PPP6R3: variants seen among roughly 807,000 people sequenced by gnomAD.
PPP6R3 encodes the protein serine/threonine-protein phosphatase 6 regulatory subunit 3.
In PPP6R3, 38 loss-of-function variants were observed where a neutral mutation model predicts 110.7. The observed-to-expected ratio is 0.34, with a 90% CI of 0.26 to 0.45. The LOEUF (loss-of-function observed/expected upper bound fraction) is 0.45, where lower values mean the gene tolerates loss of function less well. Among genes scored for constraint, PPP6R3 ranks in the 20% least tolerant of loss-of-function variants. The probability of loss-of-function intolerance (pLI) is 1.00; values close to 1 mark genes in which losing one functional copy is unlikely to be tolerated. For missense variants in PPP6R3, 870 were observed against 1,062.4 expected (o/e 0.82, Z 2.52); for synonymous variants, 369 against 373.5 (o/e 0.99, Z 0.14).
intron 22 of PPP6R3, among the ~76,000 whole-genome samples, chr11:68,607,723 C>A (rs1331924404): frequency 2.0e-5 from 3 of 152,000 alleles, no homozygotes; most frequent in Admixed American, 2.0e-4. Context: ...ATCTATCTAT[C>A]TATCTGTCTG....
intron 5 of PPP6R3, 55 bp from the exon 6 acceptor site, chr11:68,551,066 G>T: frequency 1.7e-6 from 2 of 1,203,584 alleles, no homozygotes; most frequent in South Asian, 1.3e-5. Context: ...ATCTACATTG[G>T]GGCTTGAACA....
intron 15 of PPP6R3, chr11:68,586,849 A>C (rs1010215103): frequency 6.6e-6 from 1 of 152,220 alleles, no homozygotes; most frequent in African/African-American, 2.4e-5. Context: ...CTCTGCCCAT[A>C]TGTGGAACCA....
intron 1 of PPP6R3, among the ~76,000 whole-genome samples, chr11:68,469,216 A>G (rs1338817200): frequency 1.3e-5 from 2 of 152,358 alleles, no homozygotes; most frequent in Non-Finnish European, 1.5e-5. Flanking sequence ...GTCTTCCAAT[A>G]GGACTTTACT....
Position 68,571,036 on chromosome 11 carries a change from TCA to T in PPP6R3, c.1279-3_1279-2del. ...AACTGGAATATTCTTTTTTTTTTTT[TCA>T]GCTTTTCCAAAAATGTCAATTAATA... On this transcript the variant is annotated splice_acceptor_variant and splice_polypyrimidine_tract_variant and intron_variant, in intron 11 of 23. Coordinates refer to ENST00000393800, the MANE Select transcript of PPP6R3 (RefSeq NM_001164161.2). LOFTEE classifies it high-confidence loss of function. 1 of 1,592,578 alleles carries T rather than the reference TCA, an allele frequency of 6.3e-7. No individual in the cohort carries two copies. Among genetic ancestry groups the T allele is most frequent in the East Asian group, 2.2e-5 (1 of 44,610 alleles).
At chr11:68,486,433 A>G (rs2098947717) in intron 1 of PPP6R3, among the ~76,000 whole-genome samples, 1 of 151,960 alleles carries the variant, frequency 6.6e-6, no homozygotes. Flanking sequence ...GTGAAACCCC[A>G]TCTCTCTTAA....
intron 1 of PPP6R3, among the ~76,000 whole-genome samples, chr11:68,486,422 G>A (rs1301978844): frequency 2.6e-5 from 4 of 151,858 alleles, no homozygotes; most frequent in African/African-American, 7.3e-5. Flanking sequence ...TGGCTAACAC[G>A]GTGAAACCCC....
At chr11:68,556,687 A>G (rs1471238131) in intron 7 of PPP6R3, among the ~76,000 whole-genome samples, 2 of 152,214 alleles carry the variant, frequency 1.3e-5, no homozygotes, top group Non-Finnish European at 2.9e-5. Flanking sequence ...GTGAAAATGA[A>G]TATATTTTCT....
At position 68,583,057 on chromosome 11, in the gene PPP6R3, T is replaced by C; in HGVS notation, c.1560T>C (p.His520=). ...TATGCATATAGGTTACAACCTGCCA[T>C]ATTCATTCATCCAGTGATGATGAAA... ...RNTVDLVTTC[H]IHSSSDDEID... The change falls in exon 15 of 24, where the codon CAT becomes CAC. Residue 520 remains histidine, a synonymous_variant. Coordinates refer to ENST00000393800, the MANE Select transcript of PPP6R3 (RefSeq NM_001164161.2). 4 of 1,540,348 alleles carry C rather than the reference T, an allele frequency of 2.6e-6. No individual in the cohort carries two copies. Among genetic ancestry groups the C allele is most frequent in the Non-Finnish European group, 3.5e-6 (4 of 1,139,870 alleles).
In PPP6R3 at chr11:68,576,045, T is replaced by A; in HGVS notation, c.1545+2T>A. 6.3e-7 allele frequency: 1 copy of A among 1,593,724 alleles called. No homozygotes were observed. Among genetic ancestry groups the A allele is most frequent in the South Asian group, 1.1e-5 (1 of 89,710 alleles). ...AACAAGAGGAACACGGTAGATCTAG[T>A]AGGTTTTACAAGGTTACATTTTTAT... On this transcript the variant is annotated splice_donor_variant, in intron 14 of 23. Coordinates refer to ENST00000393800, the MANE Select transcript of PPP6R3 (RefSeq NM_001164161.2). LOFTEE classifies it high-confidence loss of function.
At chr11:68,540,568 G>C (rs1384204160) in intron 3 of PPP6R3, among the ~76,000 whole-genome samples, 3 of 152,140 alleles carry the variant, frequency 2.0e-5, no homozygotes, top group Non-Finnish European at 4.4e-5. Flanking sequence ...AGGGTTTTGA[G>C]ATCAACCCGT....
chr11:68,537,632 A>G (rs1447734055), intron 2 of PPP6R3, 27 bp from the exon 3 acceptor site: 2 of 1,378,014 alleles, frequency 1.5e-6, no homozygotes, highest in South Asian at 1.3e-5. Context: ...TTGAAATTTT[A>G]TGAAATACTT....
At chr11:68,533,903 G>T (rs1592686905) in intron 2 of PPP6R3, among the ~76,000 whole-genome samples, 1 of 152,104 alleles carries the variant, frequency 6.6e-6, no homozygotes, top group South Asian at 2.1e-4. Context: ...CAGGAATGTT[G>T]CTTCTGGCTC....
At chr11:68,593,361 A>G (rs1393663945) in intron 18 of PPP6R3, among the ~76,000 whole-genome samples, 1 of 151,976 alleles carries the variant, frequency 6.6e-6, no homozygotes, top group East Asian at 1.9e-4. Flanking sequence ...GTCCATTTCT[A>G]TTTTTGTGGG....
In PPP6R3 at chr11:68,547,582, G is replaced by A. The variant is rs145851228; in HGVS notation, c.415-485G>A. ...AGTCAAAATCAAAGGCGATGTTTGT[G>A]TAGCCAGGTGAGTTAGTTATTTTGA... On this transcript the variant is annotated intron_variant, in intron 4 of 23. Coordinates refer to ENST00000393800, the MANE Select transcript of PPP6R3 (RefSeq NM_001164161.2). Among the ~76,000 whole-genome samples the A allele has an allele frequency of 2.1e-4, 32 of 152,316 alleles. No individual in the cohort carries two copies. The East Asian group carries it at 6.2e-3, about 29-fold the overall frequency.
chr11:68,599,899 G>A (rs1304678758), intron 19 of PPP6R3, among the ~76,000 whole-genome samples: 8 of 152,102 alleles, frequency 5.3e-5, no homozygotes, highest in Non-Finnish European at 1.2e-4. Context: ...CAAGGCGGGC[G>A]GTTCACGAGG....
intron 7 of PPP6R3, among the ~76,000 whole-genome samples, chr11:68,556,552 A>AACAT (rs1166631568): frequency 7.5e-5 from 10 of 133,274 alleles, no homozygotes; most frequent in Admixed American, 7.4e-4. Context: ...AAAAAAAACG[A>AACAT]AAAAAAAAAA....
intron 1 of PPP6R3, among the ~76,000 whole-genome samples, chr11:68,506,426 A>C (rs1262354556): frequency 7.5e-6 from 1 of 133,996 alleles, no homozygotes; most frequent in African/African-American, 3.0e-5. Context: ...AAAAAAAAAA[A>C]AAAAAAAAAA....
chr11:68,570,205 A>G (rs923195607), intron 11 of PPP6R3, among the ~76,000 whole-genome samples: 11 of 152,256 alleles, frequency 7.2e-5, no homozygotes, highest in East Asian at 3.8e-4. Context: ...TTTAAATACT[A>G]TGGAAAACAT....
At position 68,613,403 on chromosome 11, in the gene PPP6R3, A is replaced by G. The variant is rs572023522; in HGVS notation, c.*286A>G. ...AAGATCTTGCCACCCATGTAATAAT[A>G]GTAGTAATACTATAGTTAAAATGGC... On this transcript the variant is annotated 3_prime_UTR_variant, in exon 24 of 24. Transcript: ENST00000393800. 4 of 1,138,148 alleles carry G rather than the reference A, an allele frequency of 3.5e-6. No homozygotes were observed. The highest frequency in any genetic ancestry group is 4.3e-6 in the Non-Finnish European group (4 of 927,250). 70.5% of individuals were successfully genotyped at this position (1,138,148 alleles called of 1,614,324 possible).
Sources: allele counts gnomAD v4.1 joint callset (sites outside exome capture counted in the v4.1 genomes callset), GRCh38; gene constraint gnomAD v4.1.1; transcripts MANE v1.5; gene names NCBI Gene and HGNC (gene_info 2026-07-23, HGNC 2026-07-21).